Variants in SLC30A8 observed in about 807,000 individuals in gnomAD.
SLC30A8 encodes the protein proton-coupled zinc antiporter SLC30A8.
Under a neutral mutation model 36.9 loss-of-function variants are expected in SLC30A8, and 27 were observed. That is an observed-to-expected ratio of 0.73 (90% CI 0.54 to 1.01). The LOEUF is 1.01. Among genes scored for constraint, SLC30A8 ranks in the 50% least tolerant of loss-of-function variants. The pLI is 0.00. For synonymous variants in SLC30A8, 164 were observed against 172.4 expected (o/e 0.95, Z 0.38); for missense variants, 439 against 452.0 (o/e 0.97, Z 0.26).
intron 1 of SLC30A8, among the ~76,000 whole-genome samples, chr8:117,032,473 G>A (rs1240154834): frequency 6.6e-6 from 1 of 152,216 alleles, no homozygotes; most frequent in Non-Finnish European, 1.5e-5. Context: ...CTAAAAGCCA[G>A]TTGGCTTATT....
At chr8:117,053,374 A>G (rs1481116039) in intron 2 of SLC30A8, among the ~76,000 whole-genome samples, 3 of 152,058 alleles carry the variant, frequency 2.0e-5, no homozygotes, top group African/African-American at 4.8e-5. Flanking sequence ...CTGCATGTAC[A>G]TGTATTTAAA....
chr8:117,148,621 T>C (rs976506367), intron 2 of SLC30A8, among the ~76,000 whole-genome samples: 3 of 152,142 alleles, frequency 2.0e-5, no homozygotes, highest in African/African-American at 7.2e-5. Context: ...TTCAAGTTAA[T>C]TTGAGAACAC....
At chr8:117,158,786 A>G (rs1822632234) in intron 4 of SLC30A8, among the ~76,000 whole-genome samples, 1 of 88,864 alleles carries the variant, frequency 1.1e-5, no homozygotes, top group Admixed American at 9.6e-5. Flanking sequence ...CCATCCATCT[A>G]TCTATCTAGT....
At chr8:117,167,510 T>TATATATATATATAC (rs1485276508) in intron 6 of SLC30A8, among the ~76,000 whole-genome samples, 2 of 151,790 alleles carry the variant, frequency 1.3e-5, no homozygotes, top group Non-Finnish European at 2.9e-5. Context: ...TACATGTATA[T>TATATATATATATAC]GTATATGTGT....
intron 2 of SLC30A8, among the ~76,000 whole-genome samples, chr8:117,102,201 C>A (rs1819754782): frequency 6.6e-6 from 1 of 152,128 alleles, no homozygotes; most frequent in Non-Finnish European, 1.5e-5. Flanking sequence ...TTAGCTTGTG[C>A]TTCCTTTTTA....
At chr8:116,966,897 C>A (rs1049130061) in intron 1 of SLC30A8, among the ~76,000 whole-genome samples, 1 of 152,304 alleles carries the variant, frequency 6.6e-6, no homozygotes, top group Admixed American at 6.5e-5. Context: ...TCTAAACATG[C>A]ATCTAAATAT....
chr8:116,983,353 T>C (rs1264083907), intron 1 of SLC30A8, among the ~76,000 whole-genome samples: 2 of 152,146 alleles, frequency 1.3e-5, no homozygotes, highest in Non-Finnish European at 2.9e-5. Flanking sequence ...CTCTGGAATT[T>C]CTACTTTTTG....
intron 2 of SLC30A8, among the ~76,000 whole-genome samples, chr8:117,074,703 T>C (rs1283997580): frequency 1.3e-5 from 2 of 152,246 alleles, no homozygotes; most frequent in African/African-American, 4.8e-5. Flanking sequence ...CGTCATCTTT[T>C]GAACCTGCTC....
intron 1 of SLC30A8, among the ~76,000 whole-genome samples, chr8:116,985,862 C>T (rs1019608703): frequency 1.3e-5 from 2 of 152,014 alleles, no homozygotes; most frequent in East Asian, 1.9e-4. Flanking sequence ...ATATGTGTGT[C>T]GTAAGAAAGT....
At chr8:117,148,024 A>T (rs1377468533) in intron 2 of SLC30A8, among the ~76,000 whole-genome samples, 4 of 151,544 alleles carry the variant, frequency 2.6e-5, no homozygotes, top group Non-Finnish European at 5.9e-5. Flanking sequence ...AGGATGTTAG[A>T]CCTTTGTTAT....
At position 117,174,741 on chromosome 8, in the gene SLC30A8, A is replaced by AATC. The variant is rs1253069466; in HGVS notation, c.*2063_*2065dup. ...GTCAGAAATTCACTGAATGTCAGGTAATCATTATGGAGGGAGATTTGTGTG... is the reference window on the plus strand; with the variant it reads ...GTCAGAAATTCACTGAATGTCAGGTAATCATCATTATGGAGGGAGATTTGTGTG... On this transcript the variant is annotated 3_prime_UTR_variant, in exon 8 of 8. Transcript: ENST00000456015. 2.0e-5 allele frequency: 3 copies of AATC among 152,564 alleles called. No individual in the cohort carries two copies. In the Admixed American group the frequency reaches 2.0e-4, roughly 10 times the overall value. The allele number at this position is 152,564 out of a possible 1,614,324, so 9.5% of individuals were successfully genotyped here. A position where few individuals can be genotyped will look rare whatever the true frequency, so the allele number is the denominator to read the frequency against.
intron 1 of SLC30A8, among the ~76,000 whole-genome samples, chr8:116,962,502 C>T (rs932878637): frequency 2.6e-5 from 4 of 152,062 alleles, no homozygotes; most frequent in African/African-American, 9.7e-5. Flanking sequence ...CCAAACTGTT[C>T]TTACTGATGC....
chr8:117,144,881 C>T (rs1411674677), intron 1 of SLC30A8, among the ~76,000 whole-genome samples: 2 of 152,116 alleles, frequency 1.3e-5, no homozygotes, highest in Non-Finnish European at 2.9e-5. Flanking sequence ...ATAATAATGC[C>T]TAAGTCAATC....
intron 1 of SLC30A8, among the ~76,000 whole-genome samples, chr8:116,970,950 C>G (rs747777305): frequency 6.6e-6 from 1 of 152,108 alleles, no homozygotes; most frequent in Non-Finnish European, 1.5e-5. Flanking sequence ...CAAAAGTTAG[C>G]CAGTTGTAGT....
intron 3 of SLC30A8, among the ~76,000 whole-genome samples, chr8:117,157,361 T>C (rs539180949): frequency 2.6e-5 from 4 of 152,266 alleles, no homozygotes; most frequent in Non-Finnish European, 5.9e-5. Flanking sequence ...CTAATAAGTT[T>C]CAATCATTTT....
intron 1 of SLC30A8, among the ~76,000 whole-genome samples, chr8:117,035,047 T>A (rs1817170119): frequency 6.6e-6 from 1 of 152,188 alleles, no homozygotes; most frequent in African/African-American, 2.4e-5. Flanking sequence ...CAGTTCAAGA[T>A]GAGATTTGGG....
At chr8:116,978,229 A>AT (rs765456703) in intron 1 of SLC30A8, among the ~76,000 whole-genome samples, 12 of 151,796 alleles carry the variant, frequency 7.9e-5, no homozygotes, top group African/African-American at 2.7e-4. Flanking sequence ...TGCATATTGT[A>AT]TTTTTTTTAG....
chr8:116,974,291 C>T (rs536327944), intron 1 of SLC30A8, among the ~76,000 whole-genome samples: 81 of 152,334 alleles, frequency 5.3e-4, no homozygotes, highest in African/African-American at 1.9e-3. Context: ...ATCTACCCAT[C>T]TGACAAAGGG....
chr8:117,041,458 C>T (rs998990887), intron 2 of SLC30A8, among the ~76,000 whole-genome samples: 2 of 152,086 alleles, frequency 1.3e-5, no homozygotes, highest in Non-Finnish European at 2.9e-5. Flanking sequence ...GAGGCCAAGG[C>T]GGGTGGATAG....
Sources: gnomAD v4.1 joint callset for allele counts (sites outside exome capture counted in the v4.1 genomes callset) on GRCh38, gnomAD v4.1.1 for gene constraint, MANE v1.5 for transcripts, NCBI Gene and HGNC (gene_info 2026-07-23, HGNC 2026-07-21) for gene names.